TENM4: variants seen among roughly 807,000 people sequenced by gnomAD.
The protein encoded by TENM4 is teneurin transmembrane protein 4.
TENM4 carries 82 observed loss-of-function variants against 243.3 expected under a neutral mutation model. The observed-to-expected ratio is 0.34, with a 90% CI of 0.28 to 0.40. The LOEUF (loss-of-function observed/expected upper bound fraction) is 0.40, where lower values mean the gene tolerates loss of function less well. Ranked by LOEUF, TENM4 falls within the 10% of genes least tolerant of loss-of-function variation. TENM4 has a pLI of 1.00. For synonymous variants in TENM4, 1,412 were observed against 1,456.3 expected (o/e 0.97, Z 0.69); for missense variants, 3,138 against 3,673.3 (o/e 0.85, Z 3.77).
chr11:79,224,325 T>C (rs1330440091), intron 2 of TENM4, among the ~76,000 whole-genome samples: 1 of 152,198 alleles, frequency 6.6e-6, no homozygotes, highest in African/African-American at 2.4e-5. Context: ...TTAGTCATCG[T>C]TCCAGACCCG....
intron 29 of TENM4, among the ~76,000 whole-genome samples, chr11:78,684,756 C>T (rs1858625378): frequency 6.6e-6 from 1 of 152,210 alleles, no homozygotes; most frequent in Admixed American, 6.5e-5. Flanking sequence ...GACAATAATA[C>T]TTACCTCCTA....
At chr11:78,862,753 G>A (rs1858854988) in intron 10 of TENM4, among the ~76,000 whole-genome samples, 1 of 152,192 alleles carries the variant, frequency 6.6e-6, no homozygotes, top group African/African-American at 2.4e-5. Context: ...CCCTTCCTGA[G>A]CCTCCCACGA....
At chr11:79,025,260 GGAATGAATGAATGAAT>G (rs67342343) in intron 6 of TENM4, among the ~76,000 whole-genome samples, 29 of 151,022 alleles carry the variant, frequency 1.9e-4, no homozygotes, top group African/African-American at 2.9e-4. Context: ...GCATAACACT[GGAATGAATGAATGAAT>G]GAATGAATGA....
At chr11:78,957,609 C>A (rs1326355626) in intron 6 of TENM4, among the ~76,000 whole-genome samples, 1 of 152,154 alleles carries the variant, frequency 6.6e-6, no homozygotes. Flanking sequence ...ACAAAATAAT[C>A]CCAGCTGCTT....
intron 3 of TENM4, among the ~76,000 whole-genome samples, chr11:79,205,102 T>C (rs1483514021): frequency 6.6e-6 from 1 of 152,236 alleles, no homozygotes; most frequent in Non-Finnish European, 1.5e-5. Context: ...TCTTCAGTTG[T>C]ACCTATTATG....
intron 1 of TENM4, among the ~76,000 whole-genome samples, chr11:79,325,622 C>T (rs575034323): frequency 5.2e-4 from 79 of 152,306 alleles, no homozygotes; most frequent in African/African-American, 1.6e-3. Flanking sequence ...ACCCAGTACT[C>T]GCTCAGGAAG....
At chr11:79,345,610 G>C (rs1306694134) in intron 1 of TENM4, among the ~76,000 whole-genome samples, 1 of 152,074 alleles carries the variant, frequency 6.6e-6, no homozygotes, top group African/African-American at 2.4e-5. Flanking sequence ...CAAAGACTAG[G>C]GTTCATATTC....
intron 32 of TENM4, among the ~76,000 whole-genome samples, chr11:78,667,833 T>C (rs751008434): frequency 6.6e-6 from 1 of 152,212 alleles, no homozygotes; most frequent in Non-Finnish European, 1.5e-5. Flanking sequence ...CAAGGTGGGA[T>C]GTGCCCAATT....
At chr11:78,979,886 T>C (rs1330604846) in intron 6 of TENM4, among the ~76,000 whole-genome samples, 2 of 152,192 alleles carry the variant, frequency 1.3e-5, no homozygotes, top group African/African-American at 4.8e-5. Flanking sequence ...GGGTCTGAAA[T>C]TTAGCTGAAA....
intron 6 of TENM4, among the ~76,000 whole-genome samples, chr11:79,002,294 C>T (rs59658504): frequency 0.035 from 5,341 of 152,288 alleles, 303 homozygotes; most frequent in African/African-American, 0.12. Flanking sequence ...GAGTACTCTG[C>T]CCCAGCCAAC....
At chr11:78,797,951 C>A (rs967749923) in intron 15 of TENM4, among the ~76,000 whole-genome samples, 1 of 152,188 alleles carries the variant, frequency 6.6e-6, no homozygotes, top group Admixed American at 6.5e-5. Flanking sequence ...GATGTTGGTG[C>A]TGTGCTTTCT....
At chr11:79,224,902 G>T (rs1286230128) in intron 2 of TENM4, among the ~76,000 whole-genome samples, 1 of 151,318 alleles carries the variant, frequency 6.6e-6, no homozygotes, top group African/African-American at 2.4e-5. Flanking sequence ...AGTGAGCAAA[G>T]ATTGTGCCAT....
intron 2 of TENM4, among the ~76,000 whole-genome samples, chr11:79,257,062 A>C (rs1283996676): frequency 6.6e-6 from 1 of 152,170 alleles, no homozygotes; most frequent in Non-Finnish European, 1.5e-5. Context: ...CAGTGAATGA[A>C]GGAAGGCAGG....
chr11:78,986,780 G>A (rs1255155256), intron 6 of TENM4, among the ~76,000 whole-genome samples: 1 of 152,126 alleles, frequency 6.6e-6, no homozygotes, highest in Non-Finnish European at 1.5e-5. Context: ...TGCCATATTG[G>A]CCAGGCTGGT....
At chr11:79,361,929 C>T (rs1857596245) in intron 1 of TENM4, among the ~76,000 whole-genome samples, 3 of 152,140 alleles carry the variant, frequency 2.0e-5, no homozygotes, top group South Asian at 4.1e-4. Flanking sequence ...ATGCAAGTAA[C>T]ATATGTTTAC....
chr11:78,988,228 A>G (rs1469716521), intron 6 of TENM4, among the ~76,000 whole-genome samples: 1 of 152,204 alleles, frequency 6.6e-6, no homozygotes, highest in Non-Finnish European at 1.5e-5. Flanking sequence ...GTCCATGTGT[A>G]AGAAACTGAG....
intron 1 of TENM4, among the ~76,000 whole-genome samples, chr11:79,327,650 T>TTC (rs562506642): frequency 1.0e-3 from 5 of 4,886 alleles, no homozygotes; most frequent in African/African-American, 6.9e-3. Context: ...ATTGGAAAGC[T>TTC]TTTTTTTTTT....
intron 18 of TENM4, among the ~76,000 whole-genome samples, chr11:78,762,953 T>C (rs555301612): frequency 3.9e-5 from 6 of 152,244 alleles, no homozygotes; most frequent in African/African-American, 1.4e-4. Context: ...TAATACACAG[T>C]TTGGGGGATT....
intron 2 of TENM4, among the ~76,000 whole-genome samples, chr11:79,270,917 C>A (rs1357652756): frequency 3.9e-5 from 6 of 152,160 alleles, no homozygotes; most frequent in African/African-American, 1.4e-4. Context: ...CAGCTCCCCT[C>A]CTCCCAACCA....
Sources: allele counts gnomAD v4.1 joint callset (sites outside exome capture counted in the v4.1 genomes callset), GRCh38; gene constraint gnomAD v4.1.1; transcripts MANE v1.5; gene names NCBI Gene and HGNC (gene_info 2026-07-23, HGNC 2026-07-21).